Variants in CSMD1 observed in about 807,000 individuals in gnomAD.
The protein encoded by CSMD1 is CUB and Sushi multiple domains 1.
A neutral mutation model predicts 417.5 loss-of-function variants in CSMD1; 213 were observed. The ratio of observed to expected loss-of-function variants is 0.51; its 90% CI spans 0.46 to 0.57. The LOEUF (loss-of-function observed/expected upper bound fraction) is 0.57. Ranked by LOEUF, CSMD1 falls within the 20% of genes least tolerant of loss-of-function variation. The probability of loss-of-function intolerance (pLI) is 0.00; values close to 1 mark genes in which losing one functional copy is unlikely to be tolerated. For synonymous variants in CSMD1, 2,862 were observed against 1,736.8 expected (o/e 1.65, Z -16.11); for missense variants, 6,923 against 4,529.7 (o/e 1.53, Z -15.17).
chr8:4,175,059 C>T (rs1345900149), intron 3 of CSMD1, among the ~76,000 whole-genome samples: 1 of 151,826 alleles, frequency 6.6e-6, no homozygotes, highest in Non-Finnish European at 1.5e-5. Flanking sequence ...GAACCCTGGG[C>T]ATCTTTCACT....
At chr8:3,045,626 T>A (rs946824555) in intron 50 of CSMD1, among the ~76,000 whole-genome samples, 1 of 152,200 alleles carries the variant, frequency 6.6e-6, no homozygotes. Flanking sequence ...ACATGCAATG[T>A]TAAAGTGGCA....
chr8:3,960,555 T>C (rs1049205819), intron 5 of CSMD1, among the ~76,000 whole-genome samples: 2 of 152,186 alleles, frequency 1.3e-5, no homozygotes, highest in Non-Finnish European at 2.9e-5. Flanking sequence ...AAAGCATTTT[T>C]AGTCTTGAGG....
chr8:3,951,281 G>A (rs561054951), intron 5 of CSMD1, among the ~76,000 whole-genome samples: 1 of 152,276 alleles, frequency 6.6e-6, no homozygotes, highest in Admixed American at 6.5e-5. Flanking sequence ...CCTCAGCCCT[G>A]GCCCACCTTT....
chr8:4,031,636 C>G (rs1797351603), intron 4 of CSMD1, among the ~76,000 whole-genome samples: 1 of 145,806 alleles, frequency 6.9e-6, no homozygotes, highest in Non-Finnish European at 1.5e-5. Context: ...CATGACTTTT[C>G]TCGTATAACA....
At chr8:3,302,030 G>T (rs1179540457) in intron 25 of CSMD1, among the ~76,000 whole-genome samples, 2 of 152,010 alleles carry the variant, frequency 1.3e-5, no homozygotes, top group African/African-American at 2.4e-5. Flanking sequence ...TGTTTTAGGT[G>T]GGAAATTATT....
intron 26 of CSMD1, among the ~76,000 whole-genome samples, chr8:3,274,183 G>A (rs1218756841): frequency 6.6e-6 from 1 of 151,392 alleles, no homozygotes; most frequent in South Asian, 2.1e-4. Context: ...ATTTCGTTAT[G>A]TACCCAGTAG....
chr8:3,344,986 A>C (rs2117621047), intron 22 of CSMD1, among the ~76,000 whole-genome samples: 1 of 152,338 alleles, frequency 6.6e-6, no homozygotes, highest in East Asian at 1.9e-4. Flanking sequence ...TCTGACATCC[A>C]GAGACTAAAT....
chr8:4,620,902 A>C (rs1172869249), intron 2 of CSMD1, among the ~76,000 whole-genome samples: 3 of 151,584 alleles, frequency 2.0e-5, no homozygotes, highest in Non-Finnish European at 3.0e-5. Flanking sequence ...GAGTAAAGTA[A>C]AAAAAAATAG....
intron 1 of CSMD1, among the ~76,000 whole-genome samples, chr8:4,979,214 AT>A (rs747706207): frequency 2.0e-5 from 3 of 151,636 alleles, no homozygotes; most frequent in East Asian, 1.9e-4. Flanking sequence ...TGAGAGTCTA[AT>A]TTTTTTTTAG....
At chr8:3,353,421 C>A (rs974495405) in intron 21 of CSMD1, among the ~76,000 whole-genome samples, 2 of 152,198 alleles carry the variant, frequency 1.3e-5, no homozygotes, top group Non-Finnish European at 2.9e-5. Flanking sequence ...TCGCATATCA[C>A]AAAATGTTTC....
chr8:4,551,400 C>T (rs932431414), intron 2 of CSMD1, among the ~76,000 whole-genome samples: 2 of 152,194 alleles, frequency 1.3e-5, no homozygotes, highest in Non-Finnish European at 1.5e-5. Flanking sequence ...CCACCAAACC[C>T]CATGCGGACT....
At chr8:4,927,724 G>A (rs1451517675) in intron 1 of CSMD1, among the ~76,000 whole-genome samples, 1 of 152,140 alleles carries the variant, frequency 6.6e-6, no homozygotes, top group Non-Finnish European at 1.5e-5. Context: ...ATACTTATCT[G>A]CAAGTTAACA....
At chr8:4,071,506 C>A (rs761974585) in intron 3 of CSMD1, among the ~76,000 whole-genome samples, 1 of 151,924 alleles carries the variant, frequency 6.6e-6, no homozygotes, top group Non-Finnish European at 1.5e-5. Context: ...GCATTGCTTC[C>A]TTTACTTATT....
intron 2 of CSMD1, among the ~76,000 whole-genome samples, chr8:4,536,366 T>G (rs1311905275): frequency 1.3e-5 from 2 of 152,192 alleles, no homozygotes; most frequent in African/African-American, 4.8e-5. Flanking sequence ...TTGCTTGTAT[T>G]TTTTAAATTT....
intron 1 of CSMD1, among the ~76,000 whole-genome samples, chr8:4,907,730 T>G (rs965044140): frequency 1.3e-5 from 2 of 151,520 alleles, no homozygotes; most frequent in African/African-American, 4.9e-5. Context: ...GGCAATTTTT[T>G]TTTTTTTTCA....
At chr8:4,375,446 C>G (rs1802671488) in intron 3 of CSMD1, among the ~76,000 whole-genome samples, 1 of 152,152 alleles carries the variant, frequency 6.6e-6, no homozygotes, top group African/African-American at 2.4e-5. Context: ...GAAACCAGAG[C>G]TGTCCTCACC....
intron 1 of CSMD1, among the ~76,000 whole-genome samples, chr8:4,846,350 G>C (rs1801144234): frequency 6.6e-6 from 1 of 152,154 alleles, no homozygotes; most frequent in African/African-American, 2.4e-5. Flanking sequence ...TGGGTTTATA[G>C]ATGGGTTTCC....
chr8:4,271,062 G>A (rs926138876), intron 3 of CSMD1, among the ~76,000 whole-genome samples: 3 of 152,178 alleles, frequency 2.0e-5, no homozygotes, highest in African/African-American at 7.2e-5. Context: ...AAGAGCTGGT[G>A]CAGAAAGTTC....
chr8:3,369,298 T>A lies in CSMD1; in HGVS notation c.2855A>T (p.Asn952Ile). The change falls in exon 19 of 70, where the codon AAC (asparagine) becomes ATC (isoleucine). Residue 952 changes from asparagine to isoleucine, a missense_variant. Physicochemically the swap from Asn to Ile is moderately radical, Grantham distance 149. Transcript: ENST00000635120. ...AATGGTCCACGTGCAGTTTAGAGAGTTTGGATAAAAATCTGGAAACCCAGG... is the reference window on the plus strand; with the variant it reads ...AATGGTCCACGTGCAGTTTAGAGAGATTGGATAAAAATCTGGAAACCCAGG... ...LSPGFPDFYP[N>I]SLNCTWTIEV... The A allele has an allele frequency of 6.2e-7, 1 of 1,607,278 alleles. No individual in the cohort carries two copies. Among genetic ancestry groups the A allele is most frequent in the Non-Finnish European group, 8.5e-7 (1 of 1,174,286 alleles).
Sources: gnomAD v4.1 joint callset for allele counts (sites outside exome capture counted in the v4.1 genomes callset) on GRCh38, gnomAD v4.1.1 for gene constraint, MANE v1.5 for transcripts, NCBI Gene and HGNC (gene_info 2026-07-23, HGNC 2026-07-21) for gene names.